The following ITGB4 variants were observed in gnomAD, a reference collection of about 807,000 sequenced individuals.
ITGB4 encodes integrin subunit beta 4.
In ITGB4, 159 loss-of-function variants were observed where a neutral mutation model predicts 207.6. The ratio of observed to expected loss-of-function variants is 0.77; its 90% CI spans 0.67 to 0.87. The LOEUF (loss-of-function observed/expected upper bound fraction) is 0.87. ITGB4 is among the 40% of genes least tolerant of loss of function. ITGB4 has a pLI of 0.00. For missense variants in ITGB4, 2,278 were observed against 2,546.8 expected (o/e 0.89, Z 2.27); for synonymous variants, 1,020 against 1,062.7 (o/e 0.96, Z 0.78).
intron 1 of ITGB4, 24 bp from the exon 2 acceptor site, chr17:75,724,670 G>A (rs1365991885): frequency 1.3e-6 from 2 of 1,559,662 alleles, no homozygotes; most frequent in Non-Finnish European, 1.8e-6. Context: ...GAGGCCTCAT[G>A]TGTCAATTGT....
chr17:75,737,687 C>A, intron 18 of ITGB4, 43 bp downstream of exon 18: 2 of 1,527,788 alleles, frequency 1.3e-6, no homozygotes, highest in Non-Finnish European at 1.8e-6. Context: ...ATCCCAGGGT[C>A]CCCACCCCAA....
In ITGB4 at chr17:75,730,504, G is replaced by C; in HGVS notation, c.1002G>C (p.Glu334Asp). 1 of 1,613,648 alleles carries C rather than the reference G, an allele frequency of 6.2e-7. No individual in the cohort carries two copies. The highest frequency in any genetic ancestry group is 1.7e-5 in the Admixed American group (1 of 60,020). Reference sequence around the variant, plus strand: ...CCAACTACTCCTATAGCTACTACGAGGTGCGGGGCCCAGGTCCCACGGGTG... The same window carrying C: ...CCAACTACTCCTATAGCTACTACGACGTGCGGGGCCCAGGTCCCACGGGTG... ...AVTNYSYSYYEKLHTYFPVSS... is the reference protein window; with the variant it reads ...AVTNYSYSYYDKLHTYFPVSS... The change falls in exon 8 of 40, where the codon GAG becomes GAC. Residue 334 changes from glutamate (E) to aspartate (D), a missense_variant and splice_region_variant. Physicochemically the swap from Glu to Asp is conservative, Grantham distance 45. Transcript: ENST00000200181.
At chr17:75,736,500 GGAGCGGGGGTCTGGCA>G in intron 15 of ITGB4, 49 bp from the exon 16 acceptor site, 1 of 1,599,150 alleles carries the variant, frequency 6.3e-7, no homozygotes, top group East Asian at 2.3e-5. Context: ...AGAGGTTTGG[GGAGCGGGGGTCTGGCA>G]GAGGCCCACC....
At position 75,730,455 on chromosome 17, in the gene ITGB4, A is replaced by T. The variant is rs1454995069; in HGVS notation, c.953A>T (p.Asn318Ile). 1.1e-5 allele frequency: 17 copies of T among 1,614,052 alleles called. No individual in the cohort carries two copies. The highest frequency in any genetic ancestry group is 1.4e-5 in the Non-Finnish European group (17 of 1,179,986). Residue 318 changes from asparagine (N) to isoleucine (I), a missense_variant, in exon 8 of 40, where the codon AAC becomes ATC. Physicochemically the swap from Asn to Ile is moderately radical, Grantham distance 149 (BLOSUM62 -3). Coordinates refer to ENST00000200181, the MANE Select transcript of ITGB4 (RefSeq NM_000213.5). ...PTLVRLLAKH[N>I]IIPIFAVTNY... Reference sequence around the variant, plus strand: ...CTGGTGCGCCTGCTCGCCAAGCACAACATCATCCCCATCTTTGCTGTCACC... The same window carrying T: ...CTGGTGCGCCTGCTCGCCAAGCACATCATCATCCCCATCTTTGCTGTCACC...
In ITGB4 at chr17:75,753,692, G is replaced by T. The variant is rs889790472; in HGVS notation, c.4109-73G>T. ...ACGGGCTCCCCTCGCAGAGCCTACG[G>T]CCTTCCCCCGCCTGGCCCTGCTCGG... On this transcript the variant is annotated intron_variant, in intron 32 of 39. Transcript: ENST00000200181. The T allele has an allele frequency of 6.6e-6, 7 of 1,054,316 alleles. No homozygotes were observed. In the African/African-American group the frequency reaches 1.2e-4, roughly 17 times the overall value. The allele number at this position is 1,054,316 out of a possible 1,614,324, so 65.3% of individuals were successfully genotyped here. A position where few individuals can be genotyped will look rare whatever the true frequency, so the allele number is the denominator to read the frequency against.
chr17:75,731,242 T>G lies in ITGB4; in HGVS notation c.1093-4T>G, dbSNP rs1246629652. The G allele has an allele frequency of 6.2e-7, 1 of 1,613,166 alleles. No individual in the cohort carries two copies. Among genetic ancestry groups the G allele is most frequent in the Non-Finnish European group, 8.5e-7 (1 of 1,179,992 alleles). The stretch of plus-strand genomic sequence containing the variant: ...AGCACTGATCAACCTCCTTCCTCCT[T>G]TAGCGGATCCGCTCCAACCTGGACA... On this transcript the variant is annotated splice_region_variant and splice_polypyrimidine_tract_variant and intron_variant, in intron 9 of 39. Coordinates refer to ENST00000200181, the MANE Select transcript of ITGB4 (RefSeq NM_000213.5). The surrounding 1 kb of genome is among the most constrained non-coding windows in gnomAD (Gnocchi z 6.8).
In ITGB4 at chr17:75,740,216, T is replaced by C; in HGVS notation, c.2447-142T>C. On this transcript the variant is annotated intron_variant, in intron 20 of 39. Transcript: ENST00000200181. This position sits in a 1 kb window ranked among gnomAD's most constrained non-coding sequence, Gnocchi z 5.9. ...CTTTTGCCCTGTGCTGATGGTGCTA[T>C]GAACCTCATGCCTCGGTGTGCGTGG... 7.5e-6 allele frequency: 9 copies of C among 1,202,790 alleles called. No individual in the cohort carries two copies. The Admixed American group carries it at 1.8e-4, about 24-fold the overall frequency. The allele number at this position is 1,202,790 out of a possible 1,614,324, so 74.5% of individuals were successfully genotyped here.
chr17:75,729,127 C>A lies in ITGB4; in HGVS notation c.567-138C>A. ...GAGCCAAGATCGTGCATACCGCACA[C>A]CAGCCTGGGTGATAAAGCGAGACTT... On this transcript the variant is annotated intron_variant, in intron 6 of 39. Transcript: ENST00000200181. This position sits in a 1 kb window ranked among gnomAD's most constrained non-coding sequence, Gnocchi z 4.4. 1.3e-6 allele frequency: 1 copy of A among 772,602 alleles called. No individual in the cohort carries two copies. Among genetic ancestry groups the A allele is most frequent in the Non-Finnish European group, 2.0e-6 (1 of 494,656 alleles). The allele number at this position is 772,602 out of a possible 1,614,324, so 47.9% of individuals were successfully genotyped here.
Position 75,757,559 on chromosome 17 carries a change from C to T in ITGB4, c.*4C>T, listed in dbSNP as rs189610725. On this transcript the variant is annotated 3_prime_UTR_variant, in exon 40 of 40. Transcript: ENST00000200181. ...CCAACAGTTCTTCCAAACTTGACCG[C>T]ACCCTGCCCCACCCCCGCCACGTCC... 2,987 of 1,613,324 alleles carry T rather than the reference C, an allele frequency of 1.9e-3. 74 individuals carry two copies. In the Admixed American group the frequency reaches 0.045, roughly 24 times the overall value.
At chr17:75,730,561 T>C in intron 8 of ITGB4, 57 bp downstream of exon 8, 1 of 1,584,770 alleles carries the variant, frequency 6.3e-7, no homozygotes, top group South Asian at 1.1e-5. Context: ...TCCATGGAGC[T>C]TCTCAGACAC....
chr17:75,723,465 A>AC (rs2060657386), intron 1 of ITGB4, among the ~76,000 whole-genome samples: 1 of 151,828 alleles, frequency 6.6e-6, no homozygotes, highest in Admixed American at 6.6e-5. Context: ...TGGCGGCTAC[A>AC]CCCCGAGGCT....
chr17:75,726,074 G>A (rs1167783575), intron 2 of ITGB4, among the ~76,000 whole-genome samples: 1 of 152,244 alleles, frequency 6.6e-6, no homozygotes, highest in Non-Finnish European at 1.5e-5. Flanking sequence ...TGTCCTTCTG[G>A]CTTGAGTGGG....
At chr17:75,741,281 C>T (rs532859285) in intron 23 of ITGB4, among the ~76,000 whole-genome samples, 6 of 152,320 alleles carry the variant, frequency 3.9e-5, no homozygotes, top group East Asian at 3.9e-4. Context: ...GCCCCCCACC[C>T]GGTACCAGCG....
intron 6 of ITGB4, among the ~76,000 whole-genome samples, chr17:75,728,986 CAAA>C (rs933959785): frequency 8.8e-5 from 4 of 45,212 alleles, no homozygotes; most frequent in African/African-American, 8.4e-5. Flanking sequence ...TCTGTCTCAA[CAAA>C]AAAAAAAAAA....
rs575733226 is a variant in ITGB4, at chr17:75,750,022, A to G, written c.3317-89A>G. 1 of 1,539,738 alleles carries G rather than the reference A, an allele frequency of 6.5e-7. No homozygotes were observed. Among genetic ancestry groups the G allele is most frequent in the East Asian group, 2.2e-5 (1 of 44,514 alleles). On this transcript the variant is annotated intron_variant, in intron 27 of 39. Coordinates refer to ENST00000200181, the MANE Select transcript of ITGB4 (RefSeq NM_000213.5). This position sits in a 1 kb window ranked among gnomAD's most constrained non-coding sequence, Gnocchi z 5.5. ...GGTCTGAGTTGAATGCGCTGGGTAG[A>G]GCGCCCTGGGTGTTGAAGTGGGTCT...
intron 25 of ITGB4, 148 bp from the exon 26 acceptor site, chr17:75,743,565 G>A (rs180887338): frequency 1.2e-5 from 13 of 1,048,102 alleles, no homozygotes; most frequent in South Asian, 6.6e-5. Context: ...TTTCCGTTTC[G>A]CTCCTGTGCC....
intron 26 of ITGB4, among the ~76,000 whole-genome samples, chr17:75,744,251 G>C (rs1347032990): frequency 6.6e-6 from 1 of 151,638 alleles, no homozygotes; most frequent in Non-Finnish European, 1.5e-5. Context: ...CTCCCTAGTA[G>C]CTGGGATTAC....
At chr17:75,745,786 G>A (rs2061220160) in intron 26 of ITGB4, among the ~76,000 whole-genome samples, 1 of 152,120 alleles carries the variant, frequency 6.6e-6, no homozygotes, top group African/African-American at 2.4e-5. Flanking sequence ...GGCCGAGGCA[G>A]GAGAATTGCT....
chr17:75,725,029 C>T (rs577242604), intron 2 of ITGB4, among the ~76,000 whole-genome samples: 1 of 152,126 alleles, frequency 6.6e-6, no homozygotes, highest in Non-Finnish European at 1.5e-5. Flanking sequence ...GAGGAGACAC[C>T]CACCCAGGAC....
Sources: gnomAD v4.1 joint callset for allele counts (sites outside exome capture counted in the v4.1 genomes callset) on GRCh38, gnomAD v4.1.1 for gene constraint, Gnocchi (gnomAD v3.1) non-coding constraint, MANE v1.5 for transcripts, NCBI Gene and HGNC (gene_info 2026-07-23, HGNC 2026-07-21) for gene names.